NOS2: variants seen among roughly 807,000 people sequenced by gnomAD.
The protein encoded by NOS2 is nitric oxide synthase, inducible.
NOS2 carries 96 observed loss-of-function variants against 136.0 expected under a neutral mutation model. The ratio of observed to expected loss-of-function variants is 0.71; its 90% CI spans 0.60 to 0.84. NOS2 has a LOEUF of 0.84. Among genes scored for constraint, NOS2 ranks in the 40% least tolerant of loss-of-function variants. The pLI is 0.00. For synonymous variants in NOS2, 539 were observed against 587.5 expected, an observed-to-expected ratio of 0.92 and a Z score of 1.20; for missense variants, 1,237 against 1,496.9, an observed-to-expected ratio of 0.83 and a Z score of 2.87.
chr17:27,794,851 A>T (rs1418729776), intron 2 of NOS2, among the ~76,000 whole-genome samples: 1 of 152,158 alleles, frequency 6.6e-6, no homozygotes, highest in African/African-American at 2.4e-5. Flanking sequence ...TACTTTTTAA[A>T]ATCAAAATAT....
chr17:27,760,290 C>CCACTTTA, intron 24 of NOS2, 112 bp from the exon 25 acceptor site: 1 of 1,149,070 alleles, frequency 8.7e-7, no homozygotes, highest in Non-Finnish European at 1.2e-6. Flanking sequence ...AGCATTATCC[C>CCACTTTA]CACTTTACAG....
At chr17:27,798,447 C>G (rs567059310) in intron 2 of NOS2, among the ~76,000 whole-genome samples, 1 of 146,874 alleles carries the variant, frequency 6.8e-6, no homozygotes, top group Admixed American at 6.9e-5. Flanking sequence ...CCATATTCTT[C>G]CCCAAAGATT....
At chr17:27,772,581 T>C in intron 13 of NOS2, 129 bp from the exon 14 acceptor site, 1 of 1,031,616 alleles carries the variant, frequency 9.7e-7, no homozygotes, top group Middle Eastern at 3.1e-4. Flanking sequence ...AAGCTACGTT[T>C]CTCACCAGCC....
intron 21 of NOS2, 56 bp downstream of exon 21, chr17:27,763,925 C>T (rs1029374876): frequency 1.3e-5 from 18 of 1,429,248 alleles, no homozygotes; most frequent in South Asian, 6.6e-5. Context: ...GACTCTGGCT[C>T]CCCACATGCT....
At chr17:27,779,165 T>C (rs1908760432) in intron 9 of NOS2, 109 bp from the exon 10 acceptor site, 1 of 797,742 alleles carries the variant, frequency 1.3e-6, no homozygotes, top group Non-Finnish European at 1.7e-6. Flanking sequence ...TGGAGTGCAG[T>C]GCAGTGGCAC....
intron 3 of NOS2, among the ~76,000 whole-genome samples, chr17:27,789,276 G>A (rs369370751): frequency 3.9e-5 from 6 of 152,310 alleles, no homozygotes; most frequent in African/African-American, 1.4e-4. Flanking sequence ...TTCCCTGGGA[G>A]CATGTAAGGA....
rs200809391 is a variant in NOS2, at chr17:27,780,847, G to C, written c.924C>G (p.Val308=). The C allele has an allele frequency of 6.2e-7, 1 of 1,614,198 alleles. No individual in the cohort carries two copies. The highest frequency in any genetic ancestry group is 1.7e-5 in the Admixed American group (1 of 60,034). The change falls in exon 9 of 27, where the codon GTC becomes GTG. Residue 308 remains valine, a synonymous_variant. Coordinates refer to ENST00000313735, the MANE Select transcript of NOS2 (RefSeq NM_000625.4). The part of the protein sequence containing the change: ...KYGRFDVVPL[V]LQANGRDPEL... ...CAGGGTCACGGCCATTGGCCTGCAG[G>C]ACCAGGGGGACCACATCGAAGCGGC...
At chr17:27,792,039 G>A (rs188906807) in intron 2 of NOS2, among the ~76,000 whole-genome samples, 159 of 152,282 alleles carry the variant, frequency 1.0e-3, no homozygotes, top group African/African-American at 3.5e-3. Context: ...CTTCAGACCA[G>A]AAACATCTAC....
chr17:27,773,251 A>G lies in NOS2; in HGVS notation c.1477-8T>C. ...GGTTTTCCAGGCCTCTACCTTCAGAAAAGAAAGGAGATGTGAGGGCAGGGC... is the reference window on the plus strand; with the variant it reads ...GGTTTTCCAGGCCTCTACCTTCAGAGAAGAAAGGAGATGTGAGGGCAGGGC... On this transcript the variant is annotated splice_region_variant and splice_polypyrimidine_tract_variant and intron_variant, in intron 12 of 26. Transcript: ENST00000313735. 1.2e-6 allele frequency: 2 copies of G among 1,610,940 alleles called. No homozygotes were observed. Among genetic ancestry groups the G allele is most frequent in the Non-Finnish European group, 1.7e-6 (2 of 1,177,540 alleles).
At position 27,762,912 on chromosome 17, in the gene NOS2, G is replaced by A; in HGVS notation, c.2686C>T (p.Leu896=). 6.9e-6 allele frequency: 11 copies of A among 1,603,164 alleles called. No homozygotes were observed. Among genetic ancestry groups the A allele is most frequent in the Non-Finnish European group, 9.4e-6 (11 of 1,176,026 alleles). The stretch of plus-strand genomic sequence containing the variant: ...TTCAGAATGGGGAGCTGGGAAAGCA[G>A]GAAGCCAGCAGACACCCGCAGGGAC... ...FPSLRVSAGF[L]LSQLPILKPR... is the part of the protein sequence containing the mutation. Residue 896 remains leucine (L), a synonymous_variant, in exon 22 of 27, where the codon CTG becomes TTG. Transcript: ENST00000313735.
intron 19 of NOS2, 90 bp from the exon 20 acceptor site, chr17:27,765,806 C>A: frequency 3.0e-6 from 4 of 1,343,700 alleles, no homozygotes; most frequent in Non-Finnish European, 4.0e-6. Flanking sequence ...GGAAATGTGC[C>A]CTCCTTTCAT....
intron 15 of NOS2, 110 bp downstream of exon 15, chr17:27,770,803 G>A: frequency 1.4e-6 from 1 of 734,898 alleles, no homozygotes; most frequent in East Asian, 2.7e-5. Flanking sequence ...AGTGGCCTGA[G>A]CACTGACTCC....
Position 27,771,027 on chromosome 17 carries a change from A to C in NOS2, c.1705-10T>G. On this transcript the variant is annotated splice_polypyrimidine_tract_variant and intron_variant, in intron 14 of 26. Coordinates refer to ENST00000313735, the MANE Select transcript of NOS2 (RefSeq NM_000625.4). ...TATCCATGCAGACAACCTGGATGGCACCCAAGTGGACATCAGCCCTCGGCT... is the reference window on the plus strand; with the variant it reads ...TATCCATGCAGACAACCTGGATGGCCCCCAAGTGGACATCAGCCCTCGGCT... 6.2e-7 allele frequency: 1 copy of C among 1,603,346 alleles called. No individual in the cohort carries two copies.
rs758203981 is a variant in NOS2, at chr17:27,788,897, G to A, written c.230C>T (p.Thr77Ile). Residue 77 changes from threonine to isoleucine, a missense_variant, in exon 4 of 27, where the codon ACC becomes ATC. By Grantham distance (89) the Thr-to-Ile change is moderately conservative. Coordinates refer to ENST00000313735, the MANE Select transcript of NOS2 (RefSeq NM_000625.4). ...CACATGCCGTGGGGAGGACAATGGGGTTGCATCCAGCTTGACCAGAGATTC... is the reference window on the plus strand; with the variant it reads ...CACATGCCGTGGGGAGGACAATGGGATTGCATCCAGCTTGACCAGAGATTC... ...SPESLVKLDATPLSSPRHVRI... is the reference protein window; with the variant it reads ...SPESLVKLDAIPLSSPRHVRI... 9.9e-6 allele frequency: 16 copies of A among 1,614,042 alleles called. No homozygotes were observed. Among genetic ancestry groups the A allele is most frequent in the Non-Finnish European group, 1.2e-5 (14 of 1,180,022 alleles).
chr17:27,783,983 G>A (rs1026897835), intron 5 of NOS2, among the ~76,000 whole-genome samples: 3 of 152,174 alleles, frequency 2.0e-5, no homozygotes, highest in African/African-American at 4.8e-5. Flanking sequence ...AGCTGCCCAC[G>A]TCATAGTCTC....
At position 27,762,959 on chromosome 17, in the gene NOS2, A is replaced by G; in HGVS notation, c.2639T>C (p.Leu880Pro). ...KWKFTNSPTF[L>P]EVLEEFPSLR... The stretch of plus-strand genomic sequence containing the variant: ...GGACGGGAACTCCTCTAGCACCTCC[A>G]GGAATGTGGGGCTGTTGGTGAACTT... Residue 880 changes from leucine to proline, a missense_variant, in exon 22 of 27, where the codon CTG becomes CCG. Coordinates refer to ENST00000313735, the MANE Select transcript of NOS2 (RefSeq NM_000625.4). 2 of 1,606,300 alleles carry G rather than the reference A, an allele frequency of 1.2e-6. No individual in the cohort carries two copies. Among genetic ancestry groups the G allele is most frequent in the Non-Finnish European group, 1.7e-6 (2 of 1,177,034 alleles).
intron 17 of NOS2, 125 bp downstream of exon 17, chr17:27,768,852 C>T: frequency 9.0e-7 from 1 of 1,112,294 alleles, no homozygotes; most frequent in East Asian, 2.6e-5. Context: ...TGGCCCATGC[C>T]TGGGACCACA....
At chr17:27,794,319 C>T (rs1161006166) in intron 2 of NOS2, among the ~76,000 whole-genome samples, 1 of 152,220 alleles carries the variant, frequency 6.6e-6, no homozygotes, top group Non-Finnish European at 1.5e-5. Flanking sequence ...TTAGGGGTGA[C>T]TTCTAGTAGG....
At chr17:27,781,330 G>A (rs2142517480) in intron 7 of NOS2, among the ~76,000 whole-genome samples, 153 bp from the exon 8 acceptor site, 1 of 152,292 alleles carries the variant, frequency 6.6e-6, no homozygotes, top group East Asian at 1.9e-4. Context: ...TTCTCCTGCT[G>A]CCCTCCCTCA....
Sources: allele counts gnomAD v4.1 joint callset (sites outside exome capture counted in the v4.1 genomes callset), GRCh38; gene constraint gnomAD v4.1.1; transcripts MANE v1.5; gene names NCBI Gene and HGNC (gene_info 2026-07-23, HGNC 2026-07-21).